Variants in BAIAP3 observed in about 807,000 individuals in gnomAD.
BAIAP3 encodes BAI1-associated protein 3.
BAIAP3 carries 180 observed loss-of-function variants against 149.7 expected under a neutral mutation model. That is an observed-to-expected ratio of 1.20 (90% confidence interval 1.07 to 1.36). The LOEUF (loss-of-function observed/expected upper bound fraction) is 1.36, where lower values mean the gene tolerates loss of function less well. BAIAP3 is among the 40% of genes most tolerant of loss of function. BAIAP3 has a pLI of 0.00. For synonymous variants in BAIAP3, 845 were observed against 670.7 expected, an observed-to-expected ratio of 1.26 and a Z score of -4.02; for missense variants, 1,767 against 1,563.4, an observed-to-expected ratio of 1.13 and a Z score of -2.20.
chr16:1,342,418 C>T (rs750937390), intron 11 of BAIAP3, 109 bp from the exon 12 acceptor site: 51 of 1,366,334 alleles, frequency 3.7e-5, no homozygotes, highest in African/African-American at 1.7e-4. Context: ...CACCCTCATT[C>T]CCCGGAGAAG....
In BAIAP3 at chr16:1,342,920, C is replaced by T. The variant is rs780502832; in HGVS notation, c.1169C>T (p.Ser390Phe). 1 of 1,612,328 alleles carries T rather than the reference C, an allele frequency of 6.2e-7. No homozygotes were observed. Among genetic ancestry groups the T allele is most frequent in the Admixed American group, 1.7e-5 (1 of 60,036 alleles). ...RLEHSAEEPNSSSWRGELSTP... is the reference protein window; with the variant it reads ...RLEHSAEEPNFSSWRGELSTP... ...ACAGACCTCCTCCCCCAGCCCAACTCCAGCAGCTGGCGAGGAGAGCTCAGC... is the reference window on the plus strand; with the variant it reads ...ACAGACCTCCTCCCCCAGCCCAACTTCAGCAGCTGGCGAGGAGAGCTCAGC... Residue 390 changes from serine to phenylalanine, a missense_variant, in exon 14 of 34, where the codon TCC becomes TTC. Transcript: ENST00000426824.
chr16:1,334,538 GC>G, intron 1 of BAIAP3: 1 of 842,488 alleles, frequency 1.2e-6, no homozygotes, highest in East Asian at 2.7e-5. Flanking sequence ...GGCGCCTCGG[GC>G]TCCGGTCTCC....
chr16:1,344,054 C>G lies in BAIAP3; in HGVS notation c.1419C>G (p.Phe473Leu). 6.2e-7 allele frequency: 1 copy of G among 1,612,540 alleles called. No individual in the cohort carries two copies. Among genetic ancestry groups the G allele is most frequent in the Non-Finnish European group, 8.5e-7 (1 of 1,179,938 alleles). ...GCCTGGCTGATAGCCTTTCCGCCTTCTCTGAGTTCGGGCTGCAGCTGCTGC... is the reference window on the plus strand; with the variant it reads ...GCCTGGCTGATAGCCTTTCCGCCTTGTCTGAGTTCGGGCTGCAGCTGCTGC... ...EESLADSLSA[F>L]SEFGLQLLRQ... The change falls in exon 16 of 34, where the codon TTC becomes TTG. Residue 473 changes from phenylalanine (F) to leucine (L), a missense_variant. Physicochemically the swap from Phe to Leu is conservative, Grantham distance 22. Coordinates refer to ENST00000426824, the MANE Select transcript of BAIAP3 (RefSeq NM_001199097.2).
rs777868343 is a variant in BAIAP3 at position 1,346,894 on chromosome 16, C to G, written c.2690C>G (p.Ala897Gly). 6.2e-7 allele frequency: 1 copy of G among 1,605,956 alleles called. No homozygotes were observed. The stretch of plus-strand genomic sequence containing the variant: ...CTACTCCTCCAGGCCATTCTGCAGG[C>G]GCTGGGTGCAAACCGTGACGTCTCT... Reference protein sequence around the residue: ...WELLLQAILQALGANRDVSAD... With the variant: ...WELLLQAILQGLGANRDVSAD... The change falls in exon 28 of 34, where the codon GCG becomes GGG. Residue 897 changes from alanine to glycine, a missense_variant. Ala to Gly is a moderately conservative substitution (Grantham distance 60). Coordinates refer to ENST00000426824, the MANE Select transcript of BAIAP3 (RefSeq NM_001199097.2).
chr16:1,339,169 C>T lies in BAIAP3; in HGVS notation c.225C>T (p.Pro75=). Residue 75 remains proline (P), a synonymous_variant, in exon 4 of 34, where the codon CCC becomes CCT. Coordinates refer to ENST00000426824, the MANE Select transcript of BAIAP3 (RefSeq NM_001199097.2). ...ACCCTGGGCCCCACACACAGGTCCC[C>T]CTGCGCAGTGGCTCGCCAGCACCCC... ...GRQGLPCLEV[P]LRSGSPAPPE... is the part of the protein sequence containing the mutation. 8 of 1,567,732 alleles carry T rather than the reference C, an allele frequency of 5.1e-6. No homozygotes were observed. The highest frequency in any genetic ancestry group is 6.9e-6 in the Non-Finnish European group (8 of 1,157,772).
chr16:1,349,009 T>A lies in BAIAP3; in HGVS notation c.*527T>A, dbSNP rs1223665901. ...AGTCAAGAACCGCATAGGTCTCCAG[T>A]CCCCACGGGGCTCCCAGGCCGGGGA... On this transcript the variant is annotated 3_prime_UTR_variant, in exon 34 of 34. Coordinates refer to ENST00000426824, the MANE Select transcript of BAIAP3 (RefSeq NM_001199097.2). 7.2e-6 allele frequency: 2 copies of A among 279,290 alleles called. No homozygotes were observed. Among genetic ancestry groups the A allele is most frequent in the Non-Finnish European group, 1.4e-5 (2 of 144,958 alleles). 17.3% of individuals were successfully genotyped at this position (279,290 alleles called of 1,614,324 possible).
chr16:1,337,153 G>A (rs565730353), intron 1 of BAIAP3, among the ~76,000 whole-genome samples: 2 of 152,276 alleles, frequency 1.3e-5, no homozygotes, highest in East Asian at 1.9e-4. Context: ...AGGAGGCTAC[G>A]GTGTCTTAGC....
At chr16:1,333,789 G>C (rs1281155887) in intron 1 of BAIAP3, 40 bp downstream of exon 1, 2 of 152,076 alleles carry the variant, frequency 1.3e-5, no homozygotes, top group African/African-American at 2.4e-5. Context: ...TTGGGCCGCC[G>C]TCTGGGCTCG....
At position 1,342,043 on chromosome 16, in the gene BAIAP3, C is replaced by A. The variant is rs777367684; in HGVS notation, c.834C>A (p.Ile278=). 1.2e-6 allele frequency: 2 copies of A among 1,606,542 alleles called. No homozygotes were observed. Among genetic ancestry groups the A allele is most frequent in the Admixed American group, 3.4e-5 (2 of 59,244 alleles). The change falls in exon 10 of 34, where the codon ATC becomes ATA. Residue 278 remains isoleucine (I), a synonymous_variant. Coordinates refer to ENST00000426824, the MANE Select transcript of BAIAP3 (RefSeq NM_001199097.2). ...VEACRKLNEV[I]GLKGMGRYFK... ...CGTGCAGGAAGCTGAATGAAGTCAT[C>A]GGCCTGAAGGGCATGGGCAGGTATG...
intron 1 of BAIAP3, among the ~76,000 whole-genome samples, chr16:1,337,801 G>T (rs1342671951): frequency 1.3e-5 from 2 of 152,226 alleles, no homozygotes; most frequent in East Asian, 1.9e-4. Flanking sequence ...TTTCCAGCGG[G>T]GCCCGGCTCG....
rs202200460 is a variant in BAIAP3 at position 1,347,870 on chromosome 16, G to A, written c.3026-24G>A. Reference sequence around the variant, plus strand: ...GGGTGGTGGTGGGATGGGGGCAGGGGGGCTCACGACTGTGCTCCTGCAGGC... The same window carrying A: ...GGGTGGTGGTGGGATGGGGGCAGGGAGGCTCACGACTGTGCTCCTGCAGGC... On this transcript the variant is annotated intron_variant, in intron 31 of 33. Coordinates refer to ENST00000426824, the MANE Select transcript of BAIAP3 (RefSeq NM_001199097.2). 1,234 of 1,609,484 alleles carry A rather than the reference G, an allele frequency of 7.7e-4. 9 individuals are homozygous for A. The highest frequency in any genetic ancestry group is 5.1e-3 in the South Asian group (460 of 90,994).
rs2141601620 is a variant in BAIAP3 at position 1,344,784 on chromosome 16, C to T, written c.1758-14C>T. 2 of 1,613,766 alleles carry T rather than the reference C, an allele frequency of 1.2e-6. No individual in the cohort carries two copies. The highest frequency in any genetic ancestry group is 1.3e-5 in the African/African-American group (1 of 75,030). The stretch of plus-strand genomic sequence containing the variant: ...TGGGGCGCAGGTGGATGAGGTGTGT[C>T]CCTTGCTCTGCAGCATCCTCAATGT... On this transcript the variant is annotated splice_polypyrimidine_tract_variant and intron_variant, in intron 19 of 33. Transcript: ENST00000426824.
chr16:1,338,809 G>A (rs1478093626), intron 2 of BAIAP3, 93 bp from the exon 3 acceptor site: 3 of 1,587,224 alleles, frequency 1.9e-6, no homozygotes, highest in Non-Finnish European at 2.6e-6. Flanking sequence ...CCACACTGTG[G>A]ATGTCACATG....
At chr16:1,335,196 C>T (rs1263366322) in intron 1 of BAIAP3, among the ~76,000 whole-genome samples, 2 of 152,220 alleles carry the variant, frequency 1.3e-5, no homozygotes, top group African/African-American at 4.8e-5. Context: ...GTGCCATCCT[C>T]CTTGCAAAAT....
Position 1,344,319 on chromosome 16 carries a change from T to C in BAIAP3, c.1602+2T>C. On this transcript the variant is annotated splice_donor_variant, in intron 17 of 33. Transcript: ENST00000426824. LOFTEE classifies it high-confidence loss of function. ...ATGGACATTGCTGCGGCCCTGAAGG[T>C]GTGTTCCAAAGCCCAGTGGAGGCCG... 6.2e-7 allele frequency: 1 copy of C among 1,613,648 alleles called. No homozygotes were observed. The highest frequency in any genetic ancestry group is 8.5e-7 in the Non-Finnish European group (1 of 1,179,940).
Position 1,348,642 on chromosome 16 carries a change from C to T in BAIAP3, c.*160C>T, listed in dbSNP as rs1370475037. ...GCCCCGCGGCGCCTACCGCCCTGGC[C>T]GTGTCTGTCTGGTGTGTGCTGTGAA... On this transcript the variant is annotated 3_prime_UTR_variant, in exon 34 of 34. Transcript: ENST00000426824. 8.4e-6 allele frequency: 6 copies of T among 713,112 alleles called. No individual in the cohort carries two copies. The highest frequency in any genetic ancestry group is 7.4e-5 in the Admixed American group (3 of 40,738). The allele number at this position is 713,112 out of a possible 1,614,324, so 44.2% of individuals were successfully genotyped here.
intron 1 of BAIAP3, among the ~76,000 whole-genome samples, chr16:1,337,748 G>A (rs74827999): frequency 0.018 from 2,687 of 152,296 alleles, 73 homozygotes; most frequent in African/African-American, 0.061. Context: ...GGGAACTGAC[G>A]CTGGATGGAC....
At chr16:1,343,944 G>A (rs940566396) in intron 15 of BAIAP3, 78 bp from the exon 16 acceptor site, 15 of 1,581,782 alleles carry the variant, frequency 9.5e-6, no homozygotes, top group Middle Eastern at 2.0e-4. Flanking sequence ...AGGGTGTTGC[G>A]GGCCAAGGCA....
At chr16:1,335,999 A>G (rs1201339959) in intron 1 of BAIAP3, among the ~76,000 whole-genome samples, 1 of 152,144 alleles carries the variant, frequency 6.6e-6, no homozygotes, top group Non-Finnish European at 1.5e-5. Context: ...GGAGAGGAAA[A>G]TGCAGGGAGG....
Sources: gnomAD v4.1 joint callset for allele counts (sites outside exome capture counted in the v4.1 genomes callset) on GRCh38, gnomAD v4.1.1 for gene constraint, MANE v1.5 for transcripts, NCBI Gene and HGNC (gene_info 2026-07-23, HGNC 2026-07-21) for gene names.